ACSM1: variants seen among roughly 807,000 people sequenced by gnomAD.
The protein encoded by ACSM1 is acyl-CoA synthetase medium chain family member 1.
A neutral mutation model predicts 75.8 loss-of-function variants in ACSM1; 79 were observed. That is an observed-to-expected ratio of 1.04 (90% CI 0.87 to 1.26). ACSM1 has a LOEUF of 1.26. Ranked by LOEUF, ACSM1 falls within the 50% of genes most tolerant of loss-of-function variation. The pLI is 0.00. For synonymous variants in ACSM1, 279 were observed against 265.8 expected (o/e 1.05, Z -0.48); for missense variants, 676 against 720.1 (o/e 0.94, Z 0.70).
chr16:20,675,818 A>G (rs2020242644), intron 4 of ACSM1, among the ~76,000 whole-genome samples: 2 of 152,206 alleles, frequency 1.3e-5, no homozygotes, highest in South Asian at 2.1e-4. Flanking sequence ...CTAGCAGTTT[A>G]TTGTAGAACG....
At chr16:20,685,430 A>G in intron 2 of ACSM1, 27 bp from the exon 3 acceptor site, 1 of 1,610,130 alleles carries the variant, frequency 6.2e-7, no homozygotes, top group Non-Finnish European at 8.5e-7. Context: ...ATTATGTGTT[A>G]TTTTCTGCTT....
intron 4 of ACSM1, among the ~76,000 whole-genome samples, chr16:20,672,471 A>AAAAAAAAAAAAAAAAATATATATATATAT (rs1555473775): frequency 1.5e-5 from 1 of 64,562 alleles, no homozygotes; most frequent in African/African-American, 6.1e-5. Context: ...AAAAAAAAAA[A>AAAAAAAAAAAAAAAAATATATATATATAT]ATATATATAT....
At chr16:20,640,906 T>C (rs984743868) in intron 7 of ACSM1, among the ~76,000 whole-genome samples, 3 of 152,212 alleles carry the variant, frequency 2.0e-5, no homozygotes, top group African/African-American at 7.2e-5. Context: ...GCATTCTGTA[T>C]AGCTAAGAAG....
chr16:20,641,212 C>T (rs1477715658), intron 7 of ACSM1, among the ~76,000 whole-genome samples: 1 of 152,138 alleles, frequency 6.6e-6, no homozygotes, highest in Non-Finnish European at 1.5e-5. Context: ...ATATTTTACC[C>T]CAAAATATAT....
chr16:20,683,705 C>CTG (rs2079493700), intron 3 of ACSM1, among the ~76,000 whole-genome samples: 1 of 84,654 alleles, frequency 1.2e-5, no homozygotes, highest in Non-Finnish European at 2.3e-5. Context: ...CTTTCTTTCT[C>CTG]TCTCTCTCTC....
intron 10 of ACSM1, among the ~76,000 whole-genome samples, chr16:20,635,601 TTTCTTTCTTTCTTTCTTTC>T (rs1433827199): frequency 8.6e-5 from 5 of 58,256 alleles, no homozygotes; most frequent in African/African-American, 2.0e-4. Flanking sequence ...TCTTTCTTTC[TTTCTTTCTTTCTTTCTTTC>T]TTTCTTTCTT....
At chr16:20,663,598 A>G (rs1474013107) in intron 6 of ACSM1, among the ~76,000 whole-genome samples, 1 of 152,178 alleles carries the variant, frequency 6.6e-6, no homozygotes, top group Non-Finnish European at 1.5e-5. Flanking sequence ...GGAAGGGGGA[A>G]TGTCGCCCTG....
intron 4 of ACSM1, chr16:20,674,224 TTCTC>T: frequency 3.1e-6 from 1 of 319,052 alleles, no homozygotes; most frequent in South Asian, 2.4e-5. Flanking sequence ...AACTGCCTGT[TTCTC>T]TGTCTGTGGC....
intron 8 of ACSM1, 106 bp from the exon 9 acceptor site, chr16:20,637,557 C>A: frequency 9.9e-7 from 1 of 1,009,404 alleles, no homozygotes; most frequent in Non-Finnish European, 1.5e-6. Context: ...TAGTATTCCT[C>A]TCAATGGATG....
chr16:20,690,986 A>G lies in ACSM1; in HGVS notation c.192+11T>C, dbSNP rs748814033. 7 of 1,605,324 alleles carry G rather than the reference A, an allele frequency of 4.4e-6. No individual in the cohort carries two copies. In the Admixed American group the frequency reaches 6.9e-5, roughly 16 times the overall value. ...CTTGTTCTTATATCGCCATCACGGC[A>G]GATCTCTTACCTTCTCCTTTTGAGC... On this transcript the variant is annotated intron_variant, in intron 2 of 13. Coordinates refer to ENST00000520010, the MANE Select transcript of ACSM1 (RefSeq NM_001318890.3).
intron 7 of ACSM1, 26 bp from the exon 8 acceptor site, chr16:20,640,610 A>T: frequency 6.2e-7 from 1 of 1,614,010 alleles, no homozygotes; most frequent in Non-Finnish European, 8.5e-7. Flanking sequence ...GGTGCCAGGC[A>T]TTGGTGAGCC....
chr16:20,665,058 T>C (rs1447181583), intron 6 of ACSM1, among the ~76,000 whole-genome samples: 1 of 151,824 alleles, frequency 6.6e-6, no homozygotes, highest in Non-Finnish European at 1.5e-5. Context: ...AGATCGCTAA[T>C]TAAGAATCTA....
At chr16:20,697,420 A>G (rs1221573599) in intron 1 of ACSM1, among the ~76,000 whole-genome samples, 3 of 152,076 alleles carry the variant, frequency 2.0e-5, no homozygotes. Flanking sequence ...AACATATTAC[A>G]TGTACGTTCC....
At chr16:20,634,786 T>C (rs1406826096) in intron 10 of ACSM1, among the ~76,000 whole-genome samples, 1 of 152,204 alleles carries the variant, frequency 6.6e-6, no homozygotes, top group East Asian at 1.9e-4. Context: ...TGTACAACAT[T>C]GTTACTTTAT....
At position 20,648,048 on chromosome 16, in the gene ACSM1, C is replaced by T. The variant is rs1012203473; in HGVS notation, c.993-7464G>A. Among the ~76,000 whole-genome samples, 3 of 152,144 alleles carry T rather than the reference C, an allele frequency of 2.0e-5. No individual in the cohort carries two copies. Among genetic ancestry groups the T allele is most frequent in the African/African-American group, 7.2e-5 (3 of 41,440 alleles). On this transcript the variant is annotated intron_variant, in intron 7 of 13. Transcript: ENST00000520010. The surrounding 1 kb of genome is among the most constrained non-coding windows in gnomAD (Gnocchi z 4.2). ...TTTGCAGCCTCCACAGTCGCGATGG[C>T]CCCCTGCTCCCACTTTACTTCTCAA...
At chr16:20,677,740 C>G (rs1223055616) in intron 4 of ACSM1, among the ~76,000 whole-genome samples, 10 of 152,128 alleles carry the variant, frequency 6.6e-5, no homozygotes, top group Non-Finnish European at 4.4e-5. Context: ...ACAGAAACTT[C>G]TGCTTAGAAA....
chr16:20,673,053 TATA>T (rs1400130459), intron 4 of ACSM1, among the ~76,000 whole-genome samples: 1 of 145,996 alleles, frequency 6.8e-6, no homozygotes, highest in African/African-American at 2.5e-5. Flanking sequence ...CATATATACA[TATA>T]ATTATATGAT....
At chr16:20,697,439 C>T (rs1005984923) in intron 1 of ACSM1, among the ~76,000 whole-genome samples, 197 bp downstream of exon 1, 43 of 152,078 alleles carry the variant, frequency 2.8e-4, no homozygotes, top group African/African-American at 9.9e-4. Flanking sequence ...CCTATTTATT[C>T]CTCTCACCCA....
At chr16:20,664,324 A>G (rs1356014018) in intron 6 of ACSM1, among the ~76,000 whole-genome samples, 1 of 152,118 alleles carries the variant, frequency 6.6e-6, no homozygotes, top group African/African-American at 2.4e-5. Flanking sequence ...CTGCCACACA[A>G]ATGAAAAACA....
Sources: allele counts gnomAD v4.1 joint callset (sites outside exome capture counted in the v4.1 genomes callset), GRCh38; gene constraint gnomAD v4.1.1; non-coding constraint Gnocchi (gnomAD v3.1); transcripts MANE v1.5; gene names NCBI Gene and HGNC (gene_info 2026-07-23, HGNC 2026-07-21).